The following COL18A1 variants were observed in gnomAD, a reference collection of about 807,000 sequenced individuals.
COL18A1 encodes collagen alpha-1(XVIII) chain.
COL18A1 carries 133 observed loss-of-function variants against 168.0 expected under a neutral mutation model. The ratio of observed to expected loss-of-function variants is 0.79; its 90% CI spans 0.69 to 0.91. The LOEUF (loss-of-function observed/expected upper bound fraction) is 0.91. COL18A1 is among the 40% of genes least tolerant of loss of function. The probability of loss-of-function intolerance (pLI) is 0.00; values close to 1 mark genes in which losing one functional copy is unlikely to be tolerated. For synonymous variants in COL18A1, 949 were observed against 809.0 expected (o/e 1.17, Z -2.94); for missense variants, 2,126 against 1,925.4 (o/e 1.10, Z -1.95).
intron 5 of COL18A1, 115 bp from the exon 6 acceptor site, chr21:45,476,236 G>A: frequency 2.0e-6 from 3 of 1,490,578 alleles, no homozygotes; most frequent in Middle Eastern, 2.3e-4. Flanking sequence ...TCCTGTTTCA[G>A]AGGATTTTTC....
At chr21:45,408,620 C>A in intron 2 of COL18A1, 1 of 152,416 alleles carries the variant, frequency 6.6e-6, no homozygotes, top group Non-Finnish European at 1.5e-5. Context: ...GCAGGCAGCC[C>A]AGAGAGAGGG....
chr21:45,504,599 C>G (rs1013103699), intron 34 of COL18A1, 43 bp downstream of exon 34: 1 of 1,539,924 alleles, frequency 6.5e-7, no homozygotes, highest in Admixed American at 2.0e-5. Flanking sequence ...TCCCAGGGGT[C>G]TGGGTGCAGG....
chr21:45,472,042 G>T (rs999790557), intron 3 of COL18A1, among the ~76,000 whole-genome samples: 3 of 152,132 alleles, frequency 2.0e-5, no homozygotes, highest in Admixed American at 1.3e-4. Flanking sequence ...TCGGCCCCTC[G>T]GGGGCACTCT....
At chr21:45,407,623 G>C (rs1023695761) in intron 2 of COL18A1, 3 of 152,326 alleles carry the variant, frequency 2.0e-5, no homozygotes, top group African/African-American at 7.2e-5. Context: ...GAGTGGAGCT[G>C]AGGAAGAGGA....
intron 15 of COL18A1, among the ~76,000 whole-genome samples, chr21:45,486,059 A>AC (rs2036098341): frequency 6.6e-6 from 1 of 152,064 alleles, no homozygotes; most frequent in African/African-American, 2.4e-5. Flanking sequence ...TCCCTCCCTC[A>AC]CGCCCCCCAC....
At chr21:45,497,295 G>A (rs1198127136) in intron 31 of COL18A1, among the ~76,000 whole-genome samples, 1 of 152,230 alleles carries the variant, frequency 6.6e-6, no homozygotes, top group Non-Finnish European at 1.5e-5. Context: ...TGACCTTGGG[G>A]TGGCCCCCAT....
chr21:45,484,304 ACACCT>A (rs1336001115), intron 15 of COL18A1, among the ~76,000 whole-genome samples: 1 of 147,600 alleles, frequency 6.8e-6, no homozygotes, highest in Non-Finnish European at 1.5e-5. Context: ...GTGCACACAC[ACACCT>A]CCAGCATACA....
At chr21:45,467,341 T>G (rs1445737830) in intron 2 of COL18A1, 5 of 985,292 alleles carry the variant, frequency 5.1e-6, no homozygotes, top group Admixed American at 6.1e-5. Context: ...TGGGCAGGAA[T>G]GAGTGGAGTG....
chr21:45,422,271 G>A lies in COL18A1; in HGVS notation c.106+16798G>A, dbSNP rs75861370. ...TTGGCTCAGGGACCCTGGCACACCC[G>A]CTTGCTCTCTGTCTGTAGAGGGGCA... On this transcript the variant is annotated intron_variant, in intron 2 of 41. Coordinates refer to ENST00000651438, the MANE Select transcript of COL18A1 (RefSeq NM_001379500.1). 2,761 of 335,304 alleles carry A rather than the reference G, an allele frequency of 8.2e-3. 45 individuals are homozygous for A. The highest frequency in any genetic ancestry group is 6.3e-3 in the Non-Finnish European group (1,027 of 162,320). 20.8% of individuals were successfully genotyped at this position (335,304 alleles called of 1,614,324 possible).
intron 2 of COL18A1, chr21:45,455,813 A>C: frequency 6.2e-7 from 1 of 1,613,272 alleles, no homozygotes; most frequent in South Asian, 1.1e-5. Flanking sequence ...GGACACCCCC[A>C]CTTCTGCCGA....
chr21:45,480,114 G>T lies in COL18A1; in HGVS notation c.1356G>T (p.Gly452=). Residue 452 remains glycine (G), a synonymous_variant, in exon 11 of 42, where the codon GGG becomes GGT. Transcript: ENST00000651438. ...AGAGAGGGCCCCCAGGACCCCAAGGGCCTCCAGGGCCCCCAGGACCCTCCT... is the reference window on the plus strand; with the variant it reads ...AGAGAGGGCCCCCAGGACCCCAAGGTCCTCCAGGGCCCCCAGGACCCTCCT... ...VGERGPPGPQ[G]PPGPPGPSFR... The T allele has an allele frequency of 1.2e-6, 2 of 1,601,694 alleles. No homozygotes were observed. The highest frequency in any genetic ancestry group is 1.7e-6 in the Non-Finnish European group (2 of 1,169,080).
intron 2 of COL18A1, among the ~76,000 whole-genome samples, chr21:45,467,961 T>TGGACACCATGTCCCGTGC (rs1261349992): frequency 3.3e-5 from 5 of 152,208 alleles, no homozygotes; most frequent in African/African-American, 1.2e-4. Context: ...AGGGGGCCTG[T>TGGACACCATGTCCCGTGC]GGACACCATG....
At chr21:45,507,071 TG>T in intron 37 of COL18A1, 1 of 315,504 alleles carries the variant, frequency 3.2e-6, no homozygotes, top group Non-Finnish European at 6.2e-6. Flanking sequence ...CTGGGAGGGC[TG>T]GGTGCTGGGC....
chr21:45,472,857 A>G (rs193250587), intron 3 of COL18A1, among the ~76,000 whole-genome samples: 2 of 146,074 alleles, frequency 1.4e-5, no homozygotes, highest in Non-Finnish European at 1.5e-5. Context: ...GTTTGCACAC[A>G]TGTGTCCATG....
intron 2 of COL18A1, among the ~76,000 whole-genome samples, chr21:45,411,775 G>GGGGGGGGGGGGGT (rs2033302810): frequency 7.6e-6 from 1 of 131,748 alleles, no homozygotes; most frequent in Non-Finnish European, 1.6e-5. Flanking sequence ...GTGGGGGGGG[G>GGGGGGGGGGGGGT]GCAGGCTGTG....
At chr21:45,468,117 C>T (rs541288289) in intron 2 of COL18A1, 125 bp from the exon 3 acceptor site, 28 of 1,021,552 alleles carry the variant, frequency 2.7e-5, no homozygotes, top group Middle Eastern at 6.2e-4. Context: ...CTGCCAGGCA[C>T]GTGGAGAGCC....
At chr21:45,470,340 A>C (rs2035365197) in intron 3 of COL18A1, among the ~76,000 whole-genome samples, 1 of 144,866 alleles carries the variant, frequency 6.9e-6, no homozygotes, top group Non-Finnish European at 1.5e-5. Flanking sequence ...ATTTATACAA[A>C]CTCCTTATCT....
At chr21:45,485,668 G>A (rs964115291) in intron 15 of COL18A1, among the ~76,000 whole-genome samples, 7 of 152,214 alleles carry the variant, frequency 4.6e-5, no homozygotes, top group African/African-American at 1.2e-4. Flanking sequence ...GAGGGTGGCT[G>A]CAGTGGAGAC....
chr21:45,432,832 G>A (rs2033999246), intron 2 of COL18A1, among the ~76,000 whole-genome samples: 1 of 152,206 alleles, frequency 6.6e-6, no homozygotes, highest in Admixed American at 6.5e-5. Flanking sequence ...CCAGCCCTGT[G>A]CAGGCCTCCC....
Sources: allele counts gnomAD v4.1 joint callset (sites outside exome capture counted in the v4.1 genomes callset), GRCh38; gene constraint gnomAD v4.1.1; transcripts MANE v1.5; gene names NCBI Gene and HGNC (gene_info 2026-07-23, HGNC 2026-07-21).